The following KCNMA1 variants were observed in gnomAD, a reference collection of about 807,000 sequenced individuals.
The protein encoded by KCNMA1 is Calcium-activated potassium channel subunit alpha-1.
KCNMA1 carries 29 observed loss-of-function variants against 140.0 expected under a neutral mutation model. The ratio of observed to expected loss-of-function variants is 0.21; its 90% CI spans 0.15 to 0.28. KCNMA1 has a LOEUF of 0.28. Ranked by LOEUF, KCNMA1 falls within the 10% of genes least tolerant of loss-of-function variation. KCNMA1 has a pLI of 1.00. For synonymous variants in KCNMA1, 612 were observed against 611.9 expected, an observed-to-expected ratio of 1.00 and a Z score of 0.00; for missense variants, 880 against 1,602.2, an observed-to-expected ratio of 0.55 and a Z score of 7.70.
intron 3 of KCNMA1, among the ~76,000 whole-genome samples, chr10:77,212,092 C>T (rs2154175296): frequency 6.6e-6 from 1 of 152,320 alleles, no homozygotes; most frequent in Admixed American, 6.5e-5. Context: ...AATCCCACTA[C>T]TGGGTATATA....
intron 3 of KCNMA1, among the ~76,000 whole-genome samples, chr10:77,207,359 G>A (rs1430422550): frequency 1.3e-5 from 2 of 152,100 alleles, no homozygotes; most frequent in African/African-American, 4.8e-5. Context: ...TCAGACCAGG[G>A]GTTCAAACTC....
At chr10:77,478,166 G>C (rs187327694) in intron 1 of KCNMA1, among the ~76,000 whole-genome samples, 1 of 152,140 alleles carries the variant, frequency 6.6e-6, no homozygotes, top group Admixed American at 6.5e-5. Context: ...CCCTGCTTGC[G>C]TTTTAAAGGG....
At chr10:77,284,628 C>T (rs2070053721) in intron 2 of KCNMA1, among the ~76,000 whole-genome samples, 1 of 152,050 alleles carries the variant, frequency 6.6e-6, no homozygotes, top group Non-Finnish European at 1.5e-5. Flanking sequence ...ATTCTCTTGC[C>T]TCAACCTCCC....
At chr10:77,413,357 C>T (rs886887866) in intron 1 of KCNMA1, among the ~76,000 whole-genome samples, 3 of 152,070 alleles carry the variant, frequency 2.0e-5, no homozygotes, top group South Asian at 4.1e-4. Context: ...CTGGGTCTTC[C>T]GTGTCCCCCC....
chr10:77,619,605 T>C (rs1168579928), intron 1 of KCNMA1, among the ~76,000 whole-genome samples: 3 of 152,110 alleles, frequency 2.0e-5, no homozygotes, highest in Non-Finnish European at 4.4e-5. Flanking sequence ...CCTGCTTTGA[T>C]GACCAGCCAC....
At chr10:77,375,089 A>G (rs2094994244) in intron 2 of KCNMA1, among the ~76,000 whole-genome samples, 1 of 152,138 alleles carries the variant, frequency 6.6e-6, no homozygotes, top group Non-Finnish European at 1.5e-5. Context: ...GTCAAGAGGA[A>G]GAGGAAGCCC....
chr10:77,529,775 C>G (rs2057097917), intron 1 of KCNMA1, among the ~76,000 whole-genome samples: 1 of 152,032 alleles, frequency 6.6e-6, no homozygotes, highest in African/African-American at 2.4e-5. Context: ...CCAGGCCAAC[C>G]AAGAGCCCCC....
At chr10:77,554,017 G>A (rs891783533) in intron 1 of KCNMA1, among the ~76,000 whole-genome samples, 3 of 151,564 alleles carry the variant, frequency 2.0e-5, no homozygotes, top group Admixed American at 6.6e-5. Flanking sequence ...CTGTGGCTAC[G>A]ATGGGCAGCT....
At chr10:77,175,827 G>A (rs1260381429) in intron 5 of KCNMA1, among the ~76,000 whole-genome samples, 2 of 152,176 alleles carry the variant, frequency 1.3e-5, no homozygotes, top group Admixed American at 6.5e-5. Flanking sequence ...GAAGTACAGG[G>A]AAAGGGGAGG....
At chr10:77,619,883 A>G (rs1485688805) in intron 1 of KCNMA1, among the ~76,000 whole-genome samples, 1 of 152,170 alleles carries the variant, frequency 6.6e-6, no homozygotes. Context: ...TCCCAGCAAG[A>G]TGAGCTAAGA....
intron 1 of KCNMA1, among the ~76,000 whole-genome samples, chr10:77,568,352 C>T (rs1356284486): frequency 1.1e-4 from 17 of 151,446 alleles, no homozygotes; most frequent in Admixed American, 1.1e-3. Context: ...ACTGGCAAAC[C>T]GAATCCAGCA....
chr10:77,142,816 C>T (rs1179561990), intron 5 of KCNMA1, among the ~76,000 whole-genome samples: 2 of 151,986 alleles, frequency 1.3e-5, no homozygotes, highest in African/African-American at 4.9e-5. Context: ...CAAAACTTGA[C>T]ACCCTGATGA....
At chr10:76,955,917 T>C (rs1000038200) in intron 20 of KCNMA1, among the ~76,000 whole-genome samples, 5 of 152,164 alleles carry the variant, frequency 3.3e-5, no homozygotes, top group African/African-American at 1.2e-4. Flanking sequence ...CCTGAAGATA[T>C]AGAGCCAGGT....
At chr10:77,177,925 C>T (rs2098767587) in intron 5 of KCNMA1, among the ~76,000 whole-genome samples, 1 of 152,068 alleles carries the variant, frequency 6.6e-6, no homozygotes, top group Non-Finnish European at 1.5e-5. Context: ...ATGTTTTGTC[C>T]TTTTGTTGTT....
intron 23 of KCNMA1, among the ~76,000 whole-genome samples, chr10:76,940,693 G>C (rs1158803948): frequency 6.6e-6 from 1 of 152,010 alleles, no homozygotes; most frequent in African/African-American, 2.4e-5. Flanking sequence ...AAAATGATAA[G>C]AGTAACATGA....
intron 27 of KCNMA1, chr10:76,888,327 C>T (rs1051385716): frequency 1.3e-5 from 2 of 152,200 alleles, no homozygotes; most frequent in Non-Finnish European, 2.9e-5. Context: ...TGGTCTATAG[C>T]AATTGTTCTC....
At chr10:77,351,664 T>G (rs2092904908) in intron 2 of KCNMA1, among the ~76,000 whole-genome samples, 1 of 152,196 alleles carries the variant, frequency 6.6e-6, no homozygotes, top group Admixed American at 6.5e-5. Flanking sequence ...GTATATGAAT[T>G]AGACTCTGCA....
intron 1 of KCNMA1, among the ~76,000 whole-genome samples, chr10:77,520,076 G>C (rs1406288939): frequency 2.2e-5 from 3 of 135,596 alleles, no homozygotes; most frequent in Admixed American, 7.6e-5. Flanking sequence ...GGTGTGCAGT[G>C]TGAGGTCTGG....
intron 2 of KCNMA1, among the ~76,000 whole-genome samples, chr10:77,360,976 G>T (rs753203189): frequency 6.6e-6 from 1 of 152,152 alleles, no homozygotes; most frequent in Non-Finnish European, 1.5e-5. Flanking sequence ...GGGGCTCTCA[G>T]AAGTACTAGG....
Sources: gnomAD v4.1 joint callset for allele counts (sites outside exome capture counted in the v4.1 genomes callset) on GRCh38, gnomAD v4.1.1 for gene constraint, MANE v1.5 for transcripts, NCBI Gene and HGNC (gene_info 2026-07-23, HGNC 2026-07-21) for gene names.